NTRK3: variants seen among roughly 807,000 people sequenced by gnomAD.
NTRK3 encodes NT-3 growth factor receptor.
In NTRK3, 24 loss-of-function variants were observed where a neutral mutation model predicts 91.7. That is an observed-to-expected ratio of 0.26 (90% CI 0.19 to 0.37). The LOEUF is 0.37. Among genes scored for constraint, NTRK3 ranks in the 10% least tolerant of loss-of-function variants. The pLI is 1.00. For synonymous variants in NTRK3, 483 were observed against 404.0 expected (o/e 1.20, Z -2.34); for missense variants, 880 against 1,068.9 (o/e 0.82, Z 2.46).
chr15:87,945,598 T>G (rs1046215710), intron 14 of NTRK3, among the ~76,000 whole-genome samples: 3 of 151,002 alleles, frequency 2.0e-5, no homozygotes, highest in Non-Finnish European at 4.4e-5. Context: ...GGCTGCCCTG[T>G]GGGGCAGGAG....
At chr15:88,073,654 T>C (rs1310998041) in intron 13 of NTRK3, among the ~76,000 whole-genome samples, 1 of 152,150 alleles carries the variant, frequency 6.6e-6, no homozygotes, top group Non-Finnish European at 1.5e-5. Context: ...CTATAACTCA[T>C]TAACAAGCTC....
At chr15:88,135,264 G>T in exon 10 of NTRK3, 1 of 1,614,218 alleles carries the variant, frequency 6.2e-7, no homozygotes, top group Non-Finnish European at 8.5e-7. Context: ...CCACATGGAT[G>T]ATCTTGGACT....
chr15:87,984,850 G>T (rs2074604194), intron 14 of NTRK3, among the ~76,000 whole-genome samples: 1 of 152,120 alleles, frequency 6.6e-6, no homozygotes, highest in African/African-American at 2.4e-5. Flanking sequence ...GTGTGTGAGT[G>T]TGTGTTCTCC....
intron 3 of NTRK3, among the ~76,000 whole-genome samples, chr15:88,194,713 CA>C (rs2151702042): frequency 6.6e-6 from 1 of 152,268 alleles, no homozygotes; most frequent in South Asian, 2.1e-4. Context: ...CCAAAACAAA[CA>C]AAAAACCTCT....
At chr15:88,096,014 G>T (rs1289285183) in intron 13 of NTRK3, among the ~76,000 whole-genome samples, 1 of 152,172 alleles carries the variant, frequency 6.6e-6, no homozygotes, top group African/African-American at 2.4e-5. Context: ...TTCTATCAAG[G>T]AATTATCTTT....
intron 14 of NTRK3, among the ~76,000 whole-genome samples, chr15:87,953,026 T>C (rs947278906): frequency 7.2e-5 from 11 of 152,188 alleles, no homozygotes; most frequent in Admixed American, 1.3e-4. Context: ...CCTGGATCCA[T>C]GCTTCCCCCT....
chr15:88,138,074 C>T (rs762429258), intron 6 of NTRK3, among the ~76,000 whole-genome samples: 1 of 150,910 alleles, frequency 6.6e-6, no homozygotes, highest in South Asian at 2.1e-4. Context: ...AAGAAATCCA[C>T]CTCACTTCAT....
intron 14 of NTRK3, among the ~76,000 whole-genome samples, chr15:87,973,202 G>C (rs749904799): frequency 3.0e-4 from 46 of 152,192 alleles, no homozygotes; most frequent in Admixed American, 5.2e-4. Context: ...AATGAAAAGG[G>C]GCAAAAACAC....
rs1380038597 is a variant in NTRK3, at chr15:88,255,872, G to T, written c.248+34C>A. The T allele has an allele frequency of 6.3e-7, 1 of 1,585,208 alleles. No individual in the cohort carries two copies. The highest frequency in any genetic ancestry group is 2.3e-5 in the East Asian group (1 of 43,416). On this transcript the variant is annotated intron_variant, in intron 3 of 18. Coordinates refer to ENST00000394480, the Ensembl canonical transcript of NTRK3. This position sits in a 1 kb window ranked among gnomAD's most constrained non-coding sequence, Gnocchi z 4.3. The stretch of plus-strand genomic sequence containing the variant: ...GGCAGGAGGGAGACGCAGAGCGCGG[G>T]GGAGGCAGGCTGGGGAGCGGCCGCC...
intron 3 of NTRK3, among the ~76,000 whole-genome samples, chr15:88,226,085 C>A (rs151220799): frequency 6.6e-6 from 1 of 152,168 alleles, no homozygotes; most frequent in African/African-American, 2.4e-5. Context: ...CTGTGATGTC[C>A]CCACTGTGCA....
At position 88,241,263 on chromosome 15, in the gene NTRK3, T is replaced by C. The variant is rs1415400308; in HGVS notation, c.248+14643A>G. ...TAGAGGGCAGTAGAGGGCAGCAGGG[T>C]GGGGCCTCAAGGTCAGAGCATGCCT... is the stretch of plus-strand genomic sequence containing the variant. On this transcript the variant is annotated intron_variant, in intron 3 of 18. Transcript: ENST00000394480. The surrounding 1 kb of genome is among the most constrained non-coding windows in gnomAD (Gnocchi z 4.3). 1.3e-5 allele frequency among the ~76,000 whole-genome samples: 2 copies of C among 151,770 alleles called. No individual in the cohort carries two copies. Among genetic ancestry groups the C allele is most frequent in the Non-Finnish European group, 2.9e-5 (2 of 67,918 alleles).
chr15:88,047,342 T>C (rs983517692), intron 13 of NTRK3, among the ~76,000 whole-genome samples: 1 of 152,120 alleles, frequency 6.6e-6, no homozygotes, highest in South Asian at 2.1e-4. Context: ...CCCAGGAATA[T>C]TGAACACCCA....
intron 17 of NTRK3, among the ~76,000 whole-genome samples, chr15:87,906,302 C>G (rs954225958): frequency 5.9e-5 from 9 of 152,214 alleles, no homozygotes; most frequent in African/African-American, 2.2e-4. Flanking sequence ...AGCAGGTGTT[C>G]AGCAGCTGTA....
chr15:88,096,693 T>C (rs1324899029), intron 13 of NTRK3, among the ~76,000 whole-genome samples: 1 of 152,138 alleles, frequency 6.6e-6, no homozygotes, highest in Non-Finnish European at 1.5e-5. Flanking sequence ...AGTCACTAAA[T>C]ACATGTTCCA....
At chr15:88,134,983 G>C in intron 10 of NTRK3, 118 bp downstream of exon 10, 2 of 1,223,366 alleles carry the variant, frequency 1.6e-6, no homozygotes, top group East Asian at 2.4e-5. Context: ...TGTGTGTTTT[G>C]TTGCCCATGA....
At chr15:87,877,271 G>T in intron 18 of NTRK3, 151 bp from the exon 20 acceptor site, 1 of 814,426 alleles carries the variant, frequency 1.2e-6, no homozygotes, top group Non-Finnish European at 2.0e-6. Context: ...GCTGTATACA[G>T]CACTGGTATA....
intron 14 of NTRK3, among the ~76,000 whole-genome samples, chr15:87,961,534 G>A (rs1353831459): frequency 2.0e-5 from 3 of 152,258 alleles, no homozygotes; most frequent in African/African-American, 7.2e-5. Flanking sequence ...AGTATTAGCA[G>A]GTTTGCCGAT....
At chr15:88,210,807 A>G (rs1252767871) in intron 3 of NTRK3, among the ~76,000 whole-genome samples, 1 of 152,198 alleles carries the variant, frequency 6.6e-6, no homozygotes, top group East Asian at 1.9e-4. Context: ...TTCTGCGTCA[A>G]CTTCCATCAG....
chr15:88,133,648 T>C (rs1251691899), intron 10 of NTRK3, among the ~76,000 whole-genome samples: 1 of 152,164 alleles, frequency 6.6e-6, no homozygotes, highest in African/African-American at 2.4e-5. Flanking sequence ...TTGTAGACCA[T>C]AAGAGCAAAA....
Sources: gnomAD v4.1 joint callset for allele counts (sites outside exome capture counted in the v4.1 genomes callset) on GRCh38, gnomAD v4.1.1 for gene constraint, Gnocchi (gnomAD v3.1) non-coding constraint, MANE v1.5 for transcripts, NCBI Gene and HGNC (gene_info 2026-07-23, HGNC 2026-07-21) for gene names.